The following CCSER1 variants were observed in gnomAD, a reference collection of about 807,000 sequenced individuals.
CCSER1 encodes serine-rich coiled-coil domain-containing protein 1.
A neutral mutation model predicts 82.0 loss-of-function variants in CCSER1; 41 were observed. That is an observed-to-expected ratio of 0.50 (90% CI 0.39 to 0.65). The LOEUF (loss-of-function observed/expected upper bound fraction) is 0.65, where lower values mean the gene tolerates loss of function less well. CCSER1 is among the 30% of genes least tolerant of loss of function. CCSER1 has a pLI of 0.00. For synonymous variants in CCSER1, 414 were observed against 383.9 expected, an observed-to-expected ratio of 1.08 and a Z score of -0.92; for missense variants, 1,119 against 1,064.2, an observed-to-expected ratio of 1.05 and a Z score of -0.72.
intron 6 of CCSER1, among the ~76,000 whole-genome samples, chr4:90,687,536 A>G (rs1318613006): frequency 6.6e-6 from 1 of 152,072 alleles, no homozygotes; most frequent in East Asian, 1.9e-4. Context: ...TGAGAAGTTC[A>G]TATTCTCCCA....
chr4:91,232,880 T>A (rs1581814252), intron 10 of CCSER1, among the ~76,000 whole-genome samples: 1 of 151,522 alleles, frequency 6.6e-6, no homozygotes, highest in African/African-American at 2.4e-5. Flanking sequence ...GGGGAAAAAA[T>A]TAAGATGCAG....
chr4:90,953,738 T>C (rs1733153902), intron 9 of CCSER1, among the ~76,000 whole-genome samples: 1 of 151,976 alleles, frequency 6.6e-6, no homozygotes, highest in Non-Finnish European at 1.5e-5. Context: ...GAGAATTTTG[T>C]ATTGACTCAC....
intron 9 of CCSER1, among the ~76,000 whole-genome samples, chr4:91,037,286 A>T (rs969417916): frequency 9.9e-5 from 15 of 151,504 alleles, no homozygotes; most frequent in African/African-American, 2.7e-4. Context: ...ACACACATAG[A>T]TGCTCCTTAG....
intron 4 of CCSER1, among the ~76,000 whole-genome samples, chr4:90,422,323 G>A (rs13122075): frequency 0.04 from 6,157 of 152,288 alleles, 178 homozygotes; most frequent in Non-Finnish European, 0.056. Flanking sequence ...AGAGCCCATA[G>A]AACCAGACAC....
intron 3 of CCSER1, among the ~76,000 whole-genome samples, chr4:90,369,602 TCACTC>T (rs1217702328): frequency 6.6e-6 from 1 of 152,018 alleles, no homozygotes; most frequent in Non-Finnish European, 1.5e-5. Context: ...AAAATGCAGT[TCACTC>T]CAGAAATGTG....
intron 10 of CCSER1, among the ~76,000 whole-genome samples, chr4:91,561,298 A>T (rs1475396737): frequency 6.6e-6 from 1 of 151,408 alleles, no homozygotes; most frequent in Non-Finnish European, 1.5e-5. Flanking sequence ...TACAGTTTTC[A>T]TTCACTTCCC....
chr4:91,356,609 C>G (rs1023896980), intron 10 of CCSER1, among the ~76,000 whole-genome samples: 8 of 152,188 alleles, frequency 5.3e-5, no homozygotes, highest in African/African-American at 1.9e-4. Flanking sequence ...AAGTGCCACT[C>G]TAGTTATTTG....
At chr4:91,017,811 T>TTGTGTGTGTGTGTG (rs34719158) in intron 9 of CCSER1, among the ~76,000 whole-genome samples, 38 of 143,908 alleles carry the variant, frequency 2.6e-4, no homozygotes, top group African/African-American at 9.2e-4. Flanking sequence ...GGTTTTTAAA[T>TTGTGTGTGTGTGTG]TGTGTGTGTG....
At chr4:91,323,130 T>C (rs1342522590) in intron 10 of CCSER1, among the ~76,000 whole-genome samples, 1 of 152,164 alleles carries the variant, frequency 6.6e-6, no homozygotes, top group East Asian at 1.9e-4. Context: ...CTGGACTCAT[T>C]GTAGCCAACA....
At chr4:91,179,590 G>A (rs139927432) in intron 10 of CCSER1, among the ~76,000 whole-genome samples, 2,266 of 152,202 alleles carry the variant, frequency 0.015, 52 homozygotes, top group African/African-American at 0.05. Context: ...CCACTTGATC[G>A]AATCAGCTAC....
chr4:91,238,855 G>A (rs966129114), intron 10 of CCSER1, among the ~76,000 whole-genome samples: 1 of 150,064 alleles, frequency 6.7e-6, no homozygotes. Flanking sequence ...ACGGAGTCTC[G>A]CATGGTCACC....
intron 10 of CCSER1, among the ~76,000 whole-genome samples, chr4:91,315,140 C>T (rs1388846934): frequency 2.7e-5 from 3 of 109,460 alleles, no homozygotes; most frequent in Non-Finnish European, 3.7e-5. Flanking sequence ...TAGATAGAAC[C>T]GTGTGTGCAA....
chr4:90,943,063 A>G (rs908608244), intron 9 of CCSER1, among the ~76,000 whole-genome samples: 5 of 151,688 alleles, frequency 3.3e-5, no homozygotes, highest in Admixed American at 1.3e-4. Context: ...AATTTTGAAT[A>G]TAATGGTCGG....
chr4:90,570,189 C>T (rs1225968052), intron 5 of CCSER1, among the ~76,000 whole-genome samples: 1 of 152,164 alleles, frequency 6.6e-6, no homozygotes, highest in Non-Finnish European at 1.5e-5. Flanking sequence ...ATAAGACCAG[C>T]CCAGGAAGGA....
intron 5 of CCSER1, among the ~76,000 whole-genome samples, chr4:90,516,488 A>C (rs1385501013): frequency 1.3e-5 from 2 of 152,134 alleles, no homozygotes; most frequent in Non-Finnish European, 2.9e-5. Context: ...TATAGAGGGC[A>C]GACTTCCTTA....
At chr4:90,894,270 A>T (rs772960699) in intron 8 of CCSER1, among the ~76,000 whole-genome samples, 2 of 152,176 alleles carry the variant, frequency 1.3e-5, no homozygotes, top group South Asian at 2.1e-4. Context: ...TAGCTTAAGA[A>T]ATCTCCATGC....
intron 6 of CCSER1, among the ~76,000 whole-genome samples, chr4:90,713,483 T>C (rs1741034997): frequency 6.6e-6 from 1 of 152,114 alleles, no homozygotes; most frequent in South Asian, 2.1e-4. Flanking sequence ...CACTCTCTTC[T>C]GGCTTGTAGG....
At chr4:90,309,723 C>G in intron 2 of CCSER1, 115 bp downstream of exon 2, 2 of 770,582 alleles carry the variant, frequency 2.6e-6, no homozygotes, top group Non-Finnish European at 4.0e-6. Context: ...TTTTCACTTT[C>G]GAAATGGTTT....
intron 10 of CCSER1, among the ~76,000 whole-genome samples, chr4:91,089,912 G>A (rs1723777475): frequency 6.6e-6 from 1 of 152,164 alleles, no homozygotes; most frequent in South Asian, 2.1e-4. Context: ...TCCTCCTTCA[G>A]CTGCTAGCAA....
Sources: allele counts gnomAD v4.1 joint callset (sites outside exome capture counted in the v4.1 genomes callset), GRCh38; gene constraint gnomAD v4.1.1; transcripts MANE v1.5; gene names NCBI Gene and HGNC (gene_info 2026-07-23, HGNC 2026-07-21).